Variants in ANK3 observed in about 807,000 individuals in gnomAD.
ANK3 encodes ankyrin-3.
In ANK3, 57 loss-of-function variants were observed where a neutral mutation model predicts 370.9. That is an observed-to-expected ratio of 0.15 (90% confidence interval 0.12 to 0.19). The LOEUF is 0.19. ANK3 is among the 10% of genes least tolerant of loss of function. The probability of loss-of-function intolerance (pLI) is 1.00; values close to 1 mark genes in which losing one functional copy is unlikely to be tolerated. For synonymous variants in ANK3, 1,929 were observed against 1,946.3 expected (o/e 0.99, Z 0.23); for missense variants, 4,439 against 5,302.1 (o/e 0.84, Z 5.06).
intron 2 of ANK3, among the ~76,000 whole-genome samples, chr10:60,612,499 A>G (rs11814252): frequency 0.15 from 22,757 of 151,788 alleles, 2,161 homozygotes; most frequent in South Asian, 0.27. Flanking sequence ...TTTTTATTTC[A>G]TTTTATTTTT....
chr10:60,356,220 A>T (rs2057713758), intron 1 of ANK3, among the ~76,000 whole-genome samples: 1 of 152,070 alleles, frequency 6.6e-6, no homozygotes, highest in Admixed American at 6.5e-5. Flanking sequence ...TGAGAATGAC[A>T]CCCTCTGTTG....
chr10:60,066,032 C>T (rs1425880720), intron 38 of ANK3, among the ~76,000 whole-genome samples: 4 of 152,188 alleles, frequency 2.6e-5, no homozygotes, highest in Middle Eastern at 3.4e-3. Flanking sequence ...ATAGTGGTTT[C>T]GAGGGACAGA....
At chr10:60,098,447 G>C (rs1470415720) in intron 28 of ANK3, among the ~76,000 whole-genome samples, 1 of 152,076 alleles carries the variant, frequency 6.6e-6, no homozygotes, top group African/African-American at 2.4e-5. Context: ...TTCAACTCTA[G>C]TTATAGAATA....
At chr10:60,136,101 A>C (rs1382732561) in intron 24 of ANK3, among the ~76,000 whole-genome samples, 1 of 151,748 alleles carries the variant, frequency 6.6e-6, no homozygotes, top group Non-Finnish European at 1.5e-5. Flanking sequence ...TTTTTTCCCC[A>C]GTTTCAATTG....
At chr10:60,618,715 T>C (rs2078296390) in intron 1 of ANK3, among the ~76,000 whole-genome samples, 1 of 152,120 alleles carries the variant, frequency 6.6e-6, no homozygotes, top group Non-Finnish European at 1.5e-5. Context: ...GTTGAAGGTG[T>C]CTGTCAGAGC....
At chr10:60,243,028 A>G (rs2097494111) in intron 7 of ANK3, among the ~76,000 whole-genome samples, 1 of 152,034 alleles carries the variant, frequency 6.6e-6, no homozygotes, top group African/African-American at 2.4e-5. Context: ...ATGTCTTACT[A>G]TTTTTGCATT....
chr10:60,247,249 C>T (rs1275258951), intron 7 of ANK3, among the ~76,000 whole-genome samples: 1 of 152,054 alleles, frequency 6.6e-6, no homozygotes, highest in Admixed American at 6.5e-5. Flanking sequence ...GATCTCCTGA[C>T]CTTGTGATAC....
chr10:60,293,003 C>A (rs533362082), intron 1 of ANK3, among the ~76,000 whole-genome samples: 1 of 152,324 alleles, frequency 6.6e-6, no homozygotes, highest in South Asian at 2.1e-4. Flanking sequence ...GCCACCAAGC[C>A]CCGCCCAGGG....
rs2072483435 is a variant in ANK3, at chr10:60,027,905, C to G, written c.*1941G>C. The G allele has an allele frequency of 6.6e-6, 1 of 152,188 alleles. No homozygotes were observed. The highest frequency in any genetic ancestry group is 1.5e-5 in the Non-Finnish European group (1 of 68,042). The allele number at this position is 152,188 out of a possible 1,614,324, so 9.4% of individuals were successfully genotyped here. On this transcript the variant is annotated 3_prime_UTR_variant, in exon 44 of 44. Coordinates refer to ENST00000280772, the MANE Select transcript of ANK3 (RefSeq NM_020987.5). ...ACCTGGCTGGAGAGGGCAGGGACAA[C>G]TTGGCTCTAGCAGGTTGTTACCTTC...
chr10:60,088,326 G>A lies in ANK3; in HGVS notation c.3361C>T (p.Arg1121Cys), dbSNP rs759013111. 2.0e-5 allele frequency: 33 copies of A among 1,614,034 alleles called. No homozygotes were observed. The South Asian group carries it at 2.6e-4, about 13-fold the overall frequency. The change falls in exon 29 of 44, where the codon CGT becomes TGT. Residue 1121 changes from arginine to cysteine, a missense_variant. By Grantham distance (180) the Arg-to-Cys change is radical. Coordinates refer to ENST00000280772, the MANE Select transcript of ANK3 (RefSeq NM_020987.5). The stretch of plus-strand genomic sequence containing the variant: ...TCTTTCGTGATAATCCTGCAGATAC[G>A]CTTTTTCCCTAACTCTTCTGGGCTA... ...LDSPEELGKK[R>C]ICRIITKDFP...
At chr10:60,059,967 C>G (rs754398393) in intron 40 of ANK3, 1 of 1,606,134 alleles carries the variant, frequency 6.2e-7, no homozygotes, top group Admixed American at 1.7e-5. Context: ...GTAGTGCAAC[C>G]CTGTGGGGGT....
chr10:60,576,065 A>G (rs1224877395), intron 2 of ANK3, among the ~76,000 whole-genome samples: 2 of 152,220 alleles, frequency 1.3e-5, no homozygotes, highest in Non-Finnish European at 2.9e-5. Context: ...TTTTCCACCC[A>G]AATTATAAAA....
At position 60,080,562 on chromosome 10, in the gene ANK3, G is replaced by A. The variant is rs765725586; in HGVS notation, c.4407C>T (p.Tyr1469=). The A allele has an allele frequency of 6.2e-7, 1 of 1,611,638 alleles. No individual in the cohort carries two copies. Among genetic ancestry groups the A allele is most frequent in the East Asian group, 2.2e-5 (1 of 44,740 alleles). Residue 1469 remains tyrosine (Y), a synonymous_variant, in exon 36 of 44, where the codon TAC becomes TAT. Transcript: ENST00000280772. ...SFASLALRKR[Y]SYLTEPGMIE... ...TCATTCCAGGCTCAGTCAAGTAGCT[G>A]TAGCGCTTACGTAAAGCTAAGGATG...
At chr10:60,067,646 A>C (rs1214440766) in intron 38 of ANK3, among the ~76,000 whole-genome samples, 1 of 152,202 alleles carries the variant, frequency 6.6e-6, no homozygotes, top group Admixed American at 6.5e-5. Context: ...ATTCAGTAGA[A>C]GGTTAACCTA....
chr10:60,620,209 A>T (rs564904611), intron 1 of ANK3, among the ~76,000 whole-genome samples: 3 of 152,198 alleles, frequency 2.0e-5, no homozygotes, highest in South Asian at 4.1e-4. Flanking sequence ...CTTATTTTAC[A>T]TTTCCAGCTA....
chr10:60,190,252 T>G (rs957549614), intron 16 of ANK3, among the ~76,000 whole-genome samples: 1 of 152,126 alleles, frequency 6.6e-6, no homozygotes. Flanking sequence ...GATCTGATGA[T>G]GAGTTAACAT....
At chr10:60,716,092 A>G (rs748014325) in intron 1 of ANK3, among the ~76,000 whole-genome samples, 24 of 152,250 alleles carry the variant, frequency 1.6e-4, no homozygotes, top group Non-Finnish European at 5.9e-5. Context: ...TGTACCTATT[A>G]CCAGACATGA....
intron 17 of ANK3, among the ~76,000 whole-genome samples, chr10:60,183,729 A>C (rs10160063): frequency 0.023 from 3,446 of 152,072 alleles, 126 homozygotes; most frequent in African/African-American, 0.078. Flanking sequence ...GTGGTGGTGC[A>C]TGCCTGTAAT....
At chr10:60,414,961 C>G (rs2063630808) in intron 2 of ANK3, among the ~76,000 whole-genome samples, 1 of 152,206 alleles carries the variant, frequency 6.6e-6, no homozygotes, top group African/African-American at 2.4e-5. Flanking sequence ...ACTGTGAGAA[C>G]AGAGTCGAGG....
Sources: gnomAD v4.1 joint callset for allele counts (sites outside exome capture counted in the v4.1 genomes callset) on GRCh38, gnomAD v4.1.1 for gene constraint, MANE v1.5 for transcripts, NCBI Gene and HGNC (gene_info 2026-07-23, HGNC 2026-07-21) for gene names.